Variants in LDB2 observed in about 807,000 individuals in gnomAD.
The protein encoded by LDB2 is LIM domain-binding protein 2.
Under a neutral mutation model 44.3 loss-of-function variants are expected in LDB2, and 12 were observed. The observed-to-expected ratio is 0.27, with a 90% CI of 0.17 to 0.44. LDB2 has a LOEUF of 0.44. LDB2 is among the 20% of genes least tolerant of loss of function. LDB2 has a pLI of 1.00. For synonymous variants in LDB2, 164 were observed against 174.8 expected (o/e 0.94, Z 0.49); for missense variants, 344 against 473.5 (o/e 0.73, Z 2.54).
chr4:16,589,168 T>A (rs1718018291), intron 3 of LDB2, among the ~76,000 whole-genome samples: 1 of 152,218 alleles, frequency 6.6e-6, no homozygotes, highest in Non-Finnish European at 1.5e-5. Context: ...TTTCCTCCAC[T>A]TTCATCATCC....
At chr4:16,665,342 G>A (rs1742778466) in intron 2 of LDB2, among the ~76,000 whole-genome samples, 2 of 138,094 alleles carry the variant, frequency 1.4e-5, no homozygotes, top group Admixed American at 1.6e-4. Context: ...CTTGGCTCAT[G>A]GCAACCTCCG....
At chr4:16,813,590 T>A (rs1780317269) in intron 1 of LDB2, among the ~76,000 whole-genome samples, 1 of 152,128 alleles carries the variant, frequency 6.6e-6, no homozygotes, top group Admixed American at 6.5e-5. Context: ...ATATGATATT[T>A]TTCATTTACA....
At chr4:16,799,240 T>G (rs900088590) in intron 1 of LDB2, among the ~76,000 whole-genome samples, 1 of 152,238 alleles carries the variant, frequency 6.6e-6, no homozygotes, top group African/African-American at 2.4e-5. Flanking sequence ...GATGCAATCC[T>G]GTAAAAGTCT....
chr4:16,843,302 A>G (rs1786262829), intron 1 of LDB2, among the ~76,000 whole-genome samples: 1 of 152,216 alleles, frequency 6.6e-6, no homozygotes, highest in Non-Finnish European at 1.5e-5. Context: ...ATACTGGATT[A>G]TTTCCTAAGA....
chr4:16,634,406 C>T (rs1041382566), intron 2 of LDB2, among the ~76,000 whole-genome samples: 2 of 150,888 alleles, frequency 1.3e-5, no homozygotes, highest in Non-Finnish European at 2.9e-5. Context: ...TGACAGAGGG[C>T]TAATATCCAG....
At chr4:16,619,646 G>GTAT (rs3076978) in intron 2 of LDB2, among the ~76,000 whole-genome samples, 59,013 of 151,664 alleles carry the variant, frequency 0.39, 11,629 homozygotes, top group East Asian at 0.59. Flanking sequence ...TCGTAAGCAT[G>GTAT]GCCTTGATAA....
At chr4:16,701,046 G>C (rs1322304404) in intron 2 of LDB2, among the ~76,000 whole-genome samples, 1 of 152,176 alleles carries the variant, frequency 6.6e-6, no homozygotes, top group African/African-American at 2.4e-5. Flanking sequence ...GAAGAACCCT[G>C]AAGCACAGAA....
At chr4:16,630,768 A>G (rs1279115742) in intron 2 of LDB2, among the ~76,000 whole-genome samples, 1 of 152,210 alleles carries the variant, frequency 6.6e-6, no homozygotes, top group Admixed American at 6.5e-5. Context: ...GGAAAGCCGA[A>G]AAAAGCAGGG....
At chr4:16,697,898 G>A (rs16893829) in intron 2 of LDB2, among the ~76,000 whole-genome samples, 6,998 of 152,204 alleles carry the variant, frequency 0.046, 589 homozygotes, top group African/African-American at 0.16. Flanking sequence ...AAGATGAAGT[G>A]GTAGAAATTT....
intron 5 of LDB2, among the ~76,000 whole-genome samples, chr4:16,544,390 G>C (rs1378583606): frequency 6.6e-6 from 1 of 152,160 alleles, no homozygotes; most frequent in African/African-American, 2.4e-5. Context: ...CAGGCCAAGT[G>C]GGCTTCATGG....
At chr4:16,525,260 T>C (rs1727787192) in intron 5 of LDB2, among the ~76,000 whole-genome samples, 1 of 152,198 alleles carries the variant, frequency 6.6e-6, no homozygotes. Flanking sequence ...GTCTTCTCTC[T>C]CTTGGTTCTG....
intron 2 of LDB2, among the ~76,000 whole-genome samples, chr4:16,623,761 T>TAC (rs201481655): frequency 9.1e-6 from 1 of 109,412 alleles, no homozygotes; most frequent in Non-Finnish European, 2.1e-5. Context: ...GCTTGAAATA[T>TAC]ACATACACAC....
At chr4:16,549,221 T>C (rs1736813949) in intron 5 of LDB2, among the ~76,000 whole-genome samples, 1 of 152,238 alleles carries the variant, frequency 6.6e-6, no homozygotes, top group Admixed American at 6.5e-5. Context: ...ACACAGCTTT[T>C]AGGAGCACTC....
intron 1 of LDB2, among the ~76,000 whole-genome samples, chr4:16,832,929 G>A (rs1002625207): frequency 1.3e-5 from 2 of 152,192 alleles, no homozygotes; most frequent in African/African-American, 4.8e-5. Context: ...GAGGGACTCA[G>A]AATAACTTAA....
intron 2 of LDB2, among the ~76,000 whole-genome samples, chr4:16,616,942 T>C (rs1177334587): frequency 6.6e-6 from 1 of 152,218 alleles, no homozygotes; most frequent in East Asian, 1.9e-4. Flanking sequence ...GTATGTACCT[T>C]GCTACATAAT....
intron 1 of LDB2, among the ~76,000 whole-genome samples, chr4:16,868,155 G>A (rs1715314942): frequency 6.6e-6 from 1 of 152,090 alleles, no homozygotes; most frequent in South Asian, 2.1e-4. Context: ...CAAGAGAGTA[G>A]GTATCACCCA....
intron 1 of LDB2, among the ~76,000 whole-genome samples, chr4:16,844,019 A>G (rs1237786800): frequency 6.6e-6 from 1 of 151,454 alleles, no homozygotes; most frequent in Non-Finnish European, 1.5e-5. Context: ...TTGGGAGCCT[A>G]AAATGGGAGG....
intron 2 of LDB2, among the ~76,000 whole-genome samples, chr4:16,706,955 C>G (rs1560947309): frequency 6.6e-6 from 1 of 152,068 alleles, no homozygotes; most frequent in Non-Finnish European, 1.5e-5. Context: ...AATTCTGTAC[C>G]CTCAACATCC....
intron 1 of LDB2, among the ~76,000 whole-genome samples, chr4:16,800,105 A>AG (rs1181962363): frequency 6.6e-6 from 1 of 152,152 alleles, no homozygotes; most frequent in African/African-American, 2.4e-5. Flanking sequence ...AAACAAATAT[A>AG]GATTTCCAGA....
Sources: allele counts gnomAD v4.1 joint callset (sites outside exome capture counted in the v4.1 genomes callset), GRCh38; gene constraint gnomAD v4.1.1; transcripts MANE v1.5; gene names NCBI Gene and HGNC (gene_info 2026-07-23, HGNC 2026-07-21).